DUSP14: variants seen among roughly 807,000 people sequenced by gnomAD.
DUSP14 encodes dual specificity phosphatase 14.
In DUSP14, 5 loss-of-function variants were observed where a neutral mutation model predicts 13.2. That is an observed-to-expected ratio of 0.38 (90% CI 0.20 to 0.80). The LOEUF is 0.80. DUSP14 is among the 30% of genes least tolerant of loss of function. DUSP14 has a pLI of 0.44. For synonymous variants in DUSP14, 91 were observed against 103.4 expected, an observed-to-expected ratio of 0.88 and a Z score of 0.73; for missense variants, 185 against 264.0, an observed-to-expected ratio of 0.70 and a Z score of 2.07.
chr17:37,511,923 C>T (rs112962693), intron 2 of DUSP14, among the ~76,000 whole-genome samples: 1 of 19,836 alleles, frequency 5.0e-5, no homozygotes, highest in African/African-American at 2.8e-4. Context: ...GCCCAGCCAC[C>T]CCCCCCCCAC....
chr17:37,509,342 A>T (rs2054167994), intron 1 of DUSP14, among the ~76,000 whole-genome samples: 1 of 129,032 alleles, frequency 7.8e-6, no homozygotes, highest in Non-Finnish European at 1.6e-5. Flanking sequence ...TTTGAGACAG[A>T]GTCTTGCTCT....
chr17:37,502,880 T>C (rs576354247), intron 1 of DUSP14, among the ~76,000 whole-genome samples: 1 of 152,218 alleles, frequency 6.6e-6, no homozygotes, highest in South Asian at 2.1e-4. Context: ...TTTTGTTTGT[T>C]TGTTGCTTTA....
intron 1 of DUSP14, among the ~76,000 whole-genome samples, chr17:37,509,304 G>GTA (rs1160675946): frequency 1.9e-5 from 2 of 106,156 alleles, no homozygotes; most frequent in Non-Finnish European, 3.8e-5. Context: ...TATAGTGTGT[G>GTA]TGTGTGTGTG....
chr17:37,494,466 C>T (rs533846203), intron 1 of DUSP14, among the ~76,000 whole-genome samples: 3 of 152,324 alleles, frequency 2.0e-5, no homozygotes, highest in African/African-American at 7.2e-5. Context: ...CCCACCTCAG[C>T]CTCCTAAAAG....
intron 1 of DUSP14, among the ~76,000 whole-genome samples, chr17:37,496,824 G>C (rs887923906): frequency 2.0e-5 from 3 of 151,236 alleles, no homozygotes; most frequent in Non-Finnish European, 4.4e-5. Flanking sequence ...ACTGAGGCAG[G>C]AGAATTGCTT....
At chr17:37,488,999 T>C (rs2054006937), upstream of DUSP14, among the ~76,000 whole-genome samples, 1 of 152,184 alleles carries the variant, frequency 6.6e-6, no homozygotes, top group Admixed American at 6.5e-5. Flanking sequence ...TTAGGTGCCT[T>C]GACTCACGGC....
At chr17:37,499,525 G>GT (rs529004685) in intron 1 of DUSP14, among the ~76,000 whole-genome samples, 23 of 151,604 alleles carry the variant, frequency 1.5e-4, no homozygotes, top group Admixed American at 1.5e-3. Flanking sequence ...GTTTTTGTTT[G>GT]TTTGTTTGTT....
At chr17:37,505,290 C>T (rs1410683473) in intron 1 of DUSP14, among the ~76,000 whole-genome samples, 1 of 152,134 alleles carries the variant, frequency 6.6e-6, no homozygotes, top group Non-Finnish European at 1.5e-5. Flanking sequence ...ATCTCTTGAG[C>T]CTGGGAGATC....
In DUSP14 at chr17:37,512,423, C is replaced by G. The variant is rs2054195716; in HGVS notation, c.151C>G (p.Arg51Gly). The G allele has an allele frequency of 6.2e-7, 1 of 1,614,176 alleles. No homozygotes were observed. The highest frequency in any genetic ancestry group is 8.5e-7 in the Non-Finnish European group (1 of 1,180,042). ...VASNRHLLQA[R>G]GITCIVNATI... Reference sequence around the variant, plus strand: ...CTCCAATCGGCACCTCCTCCAGGCTCGTGGCATCACCTGCATTGTTAATGC... The same window carrying G: ...CTCCAATCGGCACCTCCTCCAGGCTGGTGGCATCACCTGCATTGTTAATGC... Residue 51 changes from arginine (R) to glycine (G), a missense_variant, in exon 3 of 3, where the codon CGT (arginine) becomes GGT (glycine). Arg to Gly is a moderately radical substitution (Grantham distance 125, BLOSUM62 -2). Coordinates refer to ENST00000617516, the MANE Select transcript of DUSP14 (RefSeq NM_007026.4). The surrounding 1 kb of genome is among the most constrained non-coding windows in gnomAD (Gnocchi z 4.8).
chr17:37,495,795 G>T, intron 1 of DUSP14, among the ~76,000 whole-genome samples: 1 of 152,076 alleles, frequency 6.6e-6, no homozygotes. Flanking sequence ...GAGTAGCTGG[G>T]ATTACAGGCG....
chr17:37,506,934 A>AC (rs556812212), intron 1 of DUSP14, among the ~76,000 whole-genome samples: 122 of 151,600 alleles, frequency 8.0e-4, no homozygotes, highest in South Asian at 2.7e-3. Flanking sequence ...GCAGATCCAC[A>AC]CCCCCCCGCG....
chr17:37,511,290 TTTTG>T (rs2054183135), intron 2 of DUSP14, among the ~76,000 whole-genome samples: 1 of 152,054 alleles, frequency 6.6e-6, no homozygotes. Context: ...TGGTTTGGGT[TTTTG>T]TTTTTGTTTT....
chr17:37,508,607 G>A (rs1228113881), intron 1 of DUSP14, among the ~76,000 whole-genome samples: 5 of 151,808 alleles, frequency 3.3e-5, no homozygotes, highest in Admixed American at 6.6e-5. Flanking sequence ...GGTGGTGCAC[G>A]CCTGTAATCC....
rs755888483 is a variant in DUSP14, at chr17:37,512,872, C to T, written c.*3C>T. Reference sequence around the variant, plus strand: ...TGATGCCTTACTGGGGGATTTAGTGCCACTGAAGCCTGCGTCAGCAGCCCG... The same window carrying T: ...TGATGCCTTACTGGGGGATTTAGTGTCACTGAAGCCTGCGTCAGCAGCCCG... On this transcript the variant is annotated 3_prime_UTR_variant, in exon 3 of 3. Coordinates refer to ENST00000617516, the MANE Select transcript of DUSP14 (RefSeq NM_007026.4). The surrounding 1 kb of genome is among the most constrained non-coding windows in gnomAD (Gnocchi z 4.8). The T allele has an allele frequency of 6.3e-7, 1 of 1,591,122 alleles. No homozygotes were observed. The highest frequency in any genetic ancestry group is 8.6e-7 in the Non-Finnish European group (1 of 1,162,704).
chr17:37,510,170 GCCTGTCCTTAGCTT>G (rs2054173543), intron 1 of DUSP14: 1 of 152,318 alleles, frequency 6.6e-6, no homozygotes. Flanking sequence ...TCCCGGCCAT[GCCTGTCCTTAGCTT>G]CCTGGTGCAC....
intron 1 of DUSP14, among the ~76,000 whole-genome samples, chr17:37,506,807 C>T (rs1285996601): frequency 6.6e-6 from 1 of 152,176 alleles, no homozygotes; most frequent in Non-Finnish European, 1.5e-5. Context: ...GTTTTGTGCA[C>T]CAAATGGTGT....
intron 2 of DUSP14, among the ~76,000 whole-genome samples, chr17:37,511,535 C>T (rs558227054): frequency 7.1e-4 from 106 of 149,704 alleles, no homozygotes; most frequent in African/African-American, 2.6e-3. Flanking sequence ...CCCGCCTCAG[C>T]CTCCCAAAGT....
intron 1 of DUSP14, among the ~76,000 whole-genome samples, chr17:37,502,652 T>C (rs1251360384): frequency 6.6e-6 from 1 of 152,058 alleles, no homozygotes; most frequent in Non-Finnish European, 1.5e-5. Context: ...AAAGTATCTC[T>C]ACTTACATAT....
At chr17:37,491,630 A>G (rs1481424708) in intron 1 of DUSP14, 1 of 152,208 alleles carries the variant, frequency 6.6e-6, no homozygotes, top group Non-Finnish European at 1.5e-5. Context: ...GACTGCAGGT[A>G]TGAATTCTGT....
Sources: gnomAD v4.1 joint callset for allele counts (sites outside exome capture counted in the v4.1 genomes callset) on GRCh38, gnomAD v4.1.1 for gene constraint, Gnocchi (gnomAD v3.1) non-coding constraint, MANE v1.5 for transcripts, NCBI Gene and HGNC (gene_info 2026-07-23, HGNC 2026-07-21) for gene names.